Variants in NHSL2 observed in about 807,000 individuals in gnomAD.
NHSL2 encodes the protein NHS-like protein 2.
Under a neutral mutation model 53.4 loss-of-function variants are expected in NHSL2, and 27 were observed. The ratio of observed to expected loss-of-function variants is 0.51; its 90% CI spans 0.37 to 0.70. The LOEUF (loss-of-function observed/expected upper bound fraction) is 0.70. Among genes scored for constraint, NHSL2 ranks in the 30% least tolerant of loss-of-function variants. NHSL2 has a pLI of 0.00. For synonymous variants in NHSL2, 408 were observed against 404.1 expected (o/e 1.01, Z -0.12); for missense variants, 892 against 980.1 (o/e 0.91, Z 1.20).
intron 1 of NHSL2, among the ~76,000 whole-genome samples, chrX:71,946,133 C>A (rs1175018906): frequency 9.0e-6 from 1 of 111,552 alleles, no homozygotes; most frequent in Non-Finnish European, 1.9e-5. Flanking sequence ...AGTGCCTGTT[C>A]TGATGGGGAA....
At chrX:72,069,599 GAGGAGGAGGAGT>G (rs2042454135) in intron 1 of NHSL2, 3 of 721,283 alleles carry the variant, frequency 4.2e-6, no homozygotes, top group East Asian at 4.3e-5. Flanking sequence ...GGCAGAGGAG[GAGGAGGAGGAGT>G]AGGAGGAGGA....
chrX:72,129,845 G>A (rs1300120131), intron 1 of NHSL2: 3 of 1,191,582 alleles, frequency 2.5e-6, no homozygotes, highest in Admixed American at 2.3e-5. Flanking sequence ...ACTCGAATTC[G>A]GCCACGAGCA....
intron 1 of NHSL2, among the ~76,000 whole-genome samples, chrX:72,053,818 C>T (rs1407496098): frequency 1.8e-5 from 2 of 111,907 alleles, no homozygotes; most frequent in Non-Finnish European, 3.8e-5. Flanking sequence ...CCACCCCCAT[C>T]TCATTCCCAG....
In NHSL2 at chrX:72,148,860, G is replaced by A. The variant is rs1229203661; in HGVS notation, c.*5286G>A. 1 of 107,582 alleles carries A rather than the reference G, an allele frequency of 9.3e-6. No individual in the cohort carries two copies. The highest frequency in any genetic ancestry group is 2.9e-4 in the East Asian group (1 of 3,407). 8.9% of individuals were successfully genotyped at this position (107,582 alleles called of 1,213,427 possible). ...AGTGTATGTGTGTGTGTGTGTGTGT[G>A]TGTGTGTGTGTGTGTGTGTATGTGC... On this transcript the variant is annotated 3_prime_UTR_variant, in exon 8 of 8. Transcript: ENST00000633930.
Position 72,143,988 on chromosome X carries a change from C to A in NHSL2, c.*414C>A. The A allele has an allele frequency of 7.9e-6, 1 of 126,377 alleles. No individual in the cohort carries two copies. Among genetic ancestry groups the A allele is most frequent in the East Asian group, 2.5e-4 (1 of 4,064 alleles). The allele number at this position is 126,377 out of a possible 1,213,427, so 10.4% of individuals were successfully genotyped here. On this transcript the variant is annotated 3_prime_UTR_variant, in exon 8 of 8. Coordinates refer to ENST00000633930, the MANE Select transcript of NHSL2 (RefSeq NM_001013627.3). ...TGCCAAACTTGGGGGGCATAGGGTG[C>A]CATTGCTTATTATTCACTTTCCTAG... is the stretch of plus-strand genomic sequence containing the variant.
chrX:71,911,317 G>A lies in NHSL2; in HGVS notation c.230G>A (p.Arg77His). 8.9e-7 allele frequency: 1 copy of A among 1,123,916 alleles called. No individual in the cohort carries two copies. The highest frequency in any genetic ancestry group is 1.8e-5 in the African/African-American group (1 of 54,716). The allele number at this position is 1,123,916 out of a possible 1,213,427, so 92.6% of individuals were successfully genotyped here. Residue 77 changes from arginine to histidine, a missense_variant, in exon 1 of 8, where the codon CGC becomes CAC. Physicochemically the swap from Arg to His is conservative, Grantham distance 29. Coordinates refer to ENST00000633930, the MANE Select transcript of NHSL2 (RefSeq NM_001013627.3). ...TACCGGCGCACCGTGCGCCTCCGCC[G>A]CCGCCTTCCCTGCCGCCTGCTTGGC... Reference protein sequence around the residue: ...SLYRRTVRLRRRLPCRLLGPE... With the variant: ...SLYRRTVRLRHRLPCRLLGPE...
intron 1 of NHSL2, among the ~76,000 whole-genome samples, chrX:72,075,262 T>C (rs987476742): frequency 8.0e-5 from 9 of 112,344 alleles, no homozygotes; most frequent in Non-Finnish European, 1.3e-4. Flanking sequence ...GAGGAGCAAA[T>C]GATCTGGGAC....
intron 1 of NHSL2, among the ~76,000 whole-genome samples, chrX:71,979,028 T>C (rs1262237376): frequency 9.3e-6 from 1 of 107,973 alleles, no homozygotes; most frequent in Admixed American, 1.0e-4. Flanking sequence ...TTTTTGTCCT[T>C]GCGATAGTTT....
At chrX:71,958,500 T>G (rs1016229769) in intron 1 of NHSL2, among the ~76,000 whole-genome samples, 2 of 111,928 alleles carry the variant, frequency 1.8e-5, no homozygotes, top group Non-Finnish European at 3.8e-5. Context: ...GTGGCTCAGA[T>G]AGACCATTGC....
chrX:71,950,180 G>A (rs2041813673), intron 1 of NHSL2, among the ~76,000 whole-genome samples: 2 of 113,159 alleles, frequency 1.8e-5, no homozygotes, highest in Admixed American at 1.9e-4. Flanking sequence ...GCAGCCATAA[G>A]TTTGTCCAGC....
chrX:71,942,301 C>G (rs2041769874), intron 1 of NHSL2, among the ~76,000 whole-genome samples: 1 of 112,174 alleles, frequency 8.9e-6, no homozygotes, highest in Non-Finnish European at 1.9e-5. Context: ...CTCTCCATCT[C>G]TCTTTTCCTT....
At chrX:71,946,370 T>C (rs947986449) in intron 1 of NHSL2, among the ~76,000 whole-genome samples, 9 of 112,127 alleles carry the variant, frequency 8.0e-5, no homozygotes, top group Admixed American at 3.8e-4. Context: ...TATCAGACCA[T>C]TGGTCACTTC....
At position 72,035,429 on chromosome X, in the gene NHSL2, T is replaced by C. The variant is rs531003869; in HGVS notation, c.281-96650T>C. Reference sequence around the variant, plus strand: ...TTCTTCTCTTTGATGATTTTCTGTCTAGTATGTCTATCAATTACTGTAAGT... The same window carrying C: ...TTCTTCTCTTTGATGATTTTCTGTCCAGTATGTCTATCAATTACTGTAAGT... On this transcript the variant is annotated intron_variant, in intron 1 of 7. Transcript: ENST00000633930. Among the ~76,000 whole-genome samples, 11 of 112,195 alleles carry C rather than the reference T, an allele frequency of 9.8e-5. No homozygotes were observed. The South Asian group carries it at 1.5e-3, about 15-fold the overall frequency.
intron 1 of NHSL2, among the ~76,000 whole-genome samples, chrX:71,922,276 G>T (rs1001228812): frequency 8.9e-6 from 1 of 111,905 alleles, no homozygotes; most frequent in Non-Finnish European, 1.9e-5. Flanking sequence ...TGTGTGTTTG[G>T]ATTTCCAGTG....
intron 1 of NHSL2, among the ~76,000 whole-genome samples, chrX:72,013,919 A>G (rs1386906639): frequency 8.9e-6 from 1 of 112,049 alleles, no homozygotes; most frequent in Non-Finnish European, 1.9e-5. Context: ...AACATTTGGT[A>G]GAATTCTCCA....
At chrX:71,944,935 G>A (rs899799705) in intron 1 of NHSL2, among the ~76,000 whole-genome samples, 2 of 111,801 alleles carry the variant, frequency 1.8e-5, no homozygotes, top group Admixed American at 9.5e-5. Context: ...GAACTCTGAT[G>A]GTACAAAAAT....
intron 1 of NHSL2, among the ~76,000 whole-genome samples, chrX:72,086,362 G>A (rs1481051947): frequency 8.9e-6 from 1 of 111,955 alleles, no homozygotes; most frequent in Non-Finnish European, 1.9e-5. Flanking sequence ...TCACAGGGAG[G>A]CGCAGGGGTC....
intron 1 of NHSL2, among the ~76,000 whole-genome samples, chrX:71,952,733 C>T (rs2041826437): frequency 1.8e-5 from 2 of 110,897 alleles, no homozygotes; most frequent in African/African-American, 3.3e-5. Flanking sequence ...ATGTTCAGAG[C>T]ATAGCAGACA....
chrX:71,937,725 G>A (rs1314505456), intron 1 of NHSL2, among the ~76,000 whole-genome samples: 1 of 112,069 alleles, frequency 8.9e-6, no homozygotes, highest in Admixed American at 9.4e-5. Flanking sequence ...GATGTAGCTT[G>A]TGTTATTGGT....
Sources: allele counts gnomAD v4.1 joint callset (sites outside exome capture counted in the v4.1 genomes callset), GRCh38; gene constraint gnomAD v4.1.1; transcripts MANE v1.5; gene names NCBI Gene and HGNC (gene_info 2026-07-23, HGNC 2026-07-21).